Variants in THSD7B observed in about 807,000 individuals in gnomAD.
THSD7B encodes the protein thrombospondin type-1 domain-containing protein 7B.
Under a neutral mutation model 213.6 loss-of-function variants are expected in THSD7B, and 138 were observed. That is an observed-to-expected ratio of 0.65 (90% confidence interval 0.56 to 0.74). The LOEUF is 0.74. THSD7B is among the 30% of genes least tolerant of loss of function. The probability of loss-of-function intolerance (pLI) is 0.00; values close to 1 mark genes in which losing one functional copy is unlikely to be tolerated. For synonymous variants in THSD7B, 742 were observed against 687.0 expected (o/e 1.08, Z -1.25); for missense variants, 1,931 against 1,991.5 (o/e 0.97, Z 0.58).
intron 12 of THSD7B, among the ~76,000 whole-genome samples, chr2:137,364,024 A>T (rs888208156): frequency 6.6e-6 from 1 of 152,242 alleles, no homozygotes; most frequent in African/African-American, 2.4e-5. Context: ...CCAGCAGCGC[A>T]TCAAAAAGCT....
intron 1 of THSD7B, among the ~76,000 whole-genome samples, chr2:136,874,086 C>T (rs1683487212): frequency 2.0e-5 from 3 of 152,026 alleles, no homozygotes; most frequent in Non-Finnish European, 2.9e-5. Context: ...GCTAAGAGAA[C>T]CTACATCAGG....
intron 15 of THSD7B, among the ~76,000 whole-genome samples, chr2:137,546,366 ATATATATATAATATATATAT>A (rs1680710945): frequency 5.3e-5 from 3 of 56,570 alleles, no homozygotes; most frequent in African/African-American, 7.5e-5. Flanking sequence ...TATATATTAT[ATATATATATAATATATATAT>A]TATATATATT....
rs1680987881 is a variant in THSD7B, at chr2:137,557,091, T to C, written c.3139-6130T>C. ...GACTTAGACTCCCACACAATAATAA[T>C]GGGAGACTTTAACACCCCACTGTCA... is the stretch of plus-strand genomic sequence containing the variant. On this transcript the variant is annotated intron_variant, in intron 15 of 27. Transcript: ENST00000409968. Among the ~76,000 whole-genome samples, 3 of 152,132 alleles carry C rather than the reference T, an allele frequency of 2.0e-5. 1 individual carries two copies. In the South Asian group the frequency reaches 6.2e-4, roughly 32 times the overall value.
chr2:136,974,193 A>T (rs1051692829), intron 2 of THSD7B, among the ~76,000 whole-genome samples: 2 of 152,094 alleles, frequency 1.3e-5, no homozygotes, highest in African/African-American at 4.8e-5. Flanking sequence ...ATACTGTTTT[A>T]CTTTAAAAAA....
intron 14 of THSD7B, among the ~76,000 whole-genome samples, chr2:137,427,044 G>A (rs938103452): frequency 6.6e-6 from 1 of 151,988 alleles, no homozygotes; most frequent in Admixed American, 6.5e-5. Flanking sequence ...GATATGAAAA[G>A]TTGCTGAACA....
chr2:137,269,150 A>G (rs1682673256), intron 10 of THSD7B, among the ~76,000 whole-genome samples: 1 of 152,136 alleles, frequency 6.6e-6, no homozygotes, highest in Non-Finnish European at 1.5e-5. Flanking sequence ...TCTCTCTTCA[A>G]AGACATATAC....
chr2:136,988,492 TCTTGGGTGATCTTA>T (rs1229368898), intron 2 of THSD7B, among the ~76,000 whole-genome samples: 5 of 152,202 alleles, frequency 3.3e-5, no homozygotes. Context: ...CAGCGTGTGA[TCTTGGGTGATCTTA>T]CTTGGGAAGA....
chr2:136,998,261 C>CAAAAAAAAAAAAAAAAAAAAAAAAAACA (rs33931359), intron 2 of THSD7B, among the ~76,000 whole-genome samples: 1 of 98,402 alleles, frequency 1.0e-5, no homozygotes, highest in Non-Finnish European at 2.1e-5. Flanking sequence ...ACTAAAAGGC[C>CAAAAAAAAAAAAAAAAAAAAAAAAAACA]AAAAAAAAAA....
intron 1 of THSD7B, among the ~76,000 whole-genome samples, chr2:136,868,121 C>T (rs1022209192): frequency 3.7e-5 from 3 of 80,346 alleles, no homozygotes; most frequent in African/African-American, 1.6e-4. Flanking sequence ...CACGCGCGCG[C>T]ACACACACAC....
chr2:136,999,465 G>GT (rs199846048), intron 2 of THSD7B, among the ~76,000 whole-genome samples: 4,575 of 135,338 alleles, frequency 0.034, 216 homozygotes, highest in African/African-American at 0.1. Flanking sequence ...TAGGTATCTT[G>GT]TTTTTTTTTT....
chr2:137,405,860 C>G, intron 13 of THSD7B, 53 bp downstream of exon 13: 12 of 1,489,968 alleles, frequency 8.1e-6, no homozygotes, highest in Non-Finnish European at 1.1e-5. Flanking sequence ...ATCTCTGGAT[C>G]TTTTGTGTAG....
At chr2:137,252,036 G>A (rs1340638165) in intron 10 of THSD7B, among the ~76,000 whole-genome samples, 1 of 152,044 alleles carries the variant, frequency 6.6e-6, no homozygotes, top group African/African-American at 2.4e-5. Context: ...GGGAGGCCGA[G>A]GTGGGTGGAT....
chr2:136,788,803 G>A (rs1035840143), intron 1 of THSD7B, among the ~76,000 whole-genome samples: 1 of 152,094 alleles, frequency 6.6e-6, no homozygotes. Flanking sequence ...TGCATAAGGA[G>A]TGTTATATAA....
chr2:137,612,313 C>T (rs748862829), intron 17 of THSD7B, among the ~76,000 whole-genome samples: 1 of 152,130 alleles, frequency 6.6e-6, no homozygotes, highest in Non-Finnish European at 1.5e-5. Context: ...CTGTTACATG[C>T]ATCACTCTGA....
chr2:136,779,150 AATT>A (rs1156796699), intron 1 of THSD7B, among the ~76,000 whole-genome samples: 1 of 151,594 alleles, frequency 6.6e-6, no homozygotes, highest in Non-Finnish European at 1.5e-5. Flanking sequence ...ATTTCTCCAT[AATT>A]ATTATCCCTT....
chr2:137,531,232 C>T (rs1680391882), intron 15 of THSD7B, among the ~76,000 whole-genome samples: 1 of 151,924 alleles, frequency 6.6e-6, no homozygotes, highest in South Asian at 2.1e-4. Flanking sequence ...AGTTGCATTG[C>T]TTGGTCTTCA....
intron 1 of THSD7B, among the ~76,000 whole-genome samples, chr2:136,778,480 T>A (rs959603856): frequency 2.0e-5 from 3 of 152,110 alleles, no homozygotes; most frequent in East Asian, 1.9e-4. Flanking sequence ...CACCTCATGG[T>A]AGAGCCTGCC....
chr2:136,809,711 T>C (rs1255998439), intron 1 of THSD7B, among the ~76,000 whole-genome samples: 2 of 152,156 alleles, frequency 1.3e-5, no homozygotes, highest in Admixed American at 6.5e-5. Context: ...TGTCTTAAAA[T>C]TTTTAAGGCT....
At chr2:137,574,750 T>G (rs1036099433) in intron 17 of THSD7B, among the ~76,000 whole-genome samples, 3 of 152,128 alleles carry the variant, frequency 2.0e-5, no homozygotes, top group African/African-American at 7.2e-5. Flanking sequence ...TTTAGTTAAG[T>G]TGCAAGATCT....
Sources: allele counts gnomAD v4.1 joint callset (sites outside exome capture counted in the v4.1 genomes callset), GRCh38; gene constraint gnomAD v4.1.1; transcripts MANE v1.5; gene names NCBI Gene and HGNC (gene_info 2026-07-23, HGNC 2026-07-21).